CAB39L: variants seen among roughly 807,000 people sequenced by gnomAD.
CAB39L encodes the protein calcium-binding protein 39-like.
A neutral mutation model predicts 39.1 loss-of-function variants in CAB39L; 23 were observed. The ratio of observed to expected loss-of-function variants is 0.59; its 90% CI spans 0.42 to 0.83. CAB39L has a LOEUF of 0.83. Among genes scored for constraint, CAB39L ranks in the 40% least tolerant of loss-of-function variants. CAB39L has a pLI of 0.00. For synonymous variants in CAB39L, 126 were observed against 137.2 expected, an observed-to-expected ratio of 0.92 and a Z score of 0.57; for missense variants, 366 against 391.9, an observed-to-expected ratio of 0.93 and a Z score of 0.56.
intron 3 of CAB39L, among the ~76,000 whole-genome samples, chr13:49,401,908 T>A (rs994590681): frequency 3.2e-4 from 48 of 152,174 alleles, no homozygotes; most frequent in African/African-American, 1.1e-3. Context: ...GTACTTGTAT[T>A]AGAAACTTAA....
At chr13:49,312,748 T>A (rs1169916669) in intron 10 of CAB39L, among the ~76,000 whole-genome samples, 2 of 152,270 alleles carry the variant, frequency 1.3e-5, no homozygotes, top group Admixed American at 1.3e-4. Context: ...CATTTCATAT[T>A]TGACTTTGTT....
chr13:49,382,989 G>T, intron 3 of CAB39L, 48 bp from the exon 4 acceptor site: 1 of 747,890 alleles, frequency 1.3e-6, no homozygotes, highest in South Asian at 1.7e-5. Context: ...CTCTTAATAT[G>T]CTTAAATTTT....
At chr13:49,313,348 G>A (rs577425206) in intron 10 of CAB39L, among the ~76,000 whole-genome samples, 150 of 152,240 alleles carry the variant, frequency 9.9e-4, no homozygotes, top group African/African-American at 3.2e-3. Context: ...AGGCGTGGTG[G>A]CGGGCGCCTG....
chr13:49,368,820 T>G (rs1022562912), intron 5 of CAB39L, among the ~76,000 whole-genome samples: 1 of 151,970 alleles, frequency 6.6e-6, no homozygotes, highest in African/African-American at 2.4e-5. Flanking sequence ...AAGAAAGAGG[T>G]GGTGAACAGC....
chr13:49,333,114 AAAG>A (rs2138398408), intron 9 of CAB39L, among the ~76,000 whole-genome samples: 1 of 152,244 alleles, frequency 6.6e-6, no homozygotes, highest in Admixed American at 6.5e-5. Context: ...ATTTAACATG[AAAG>A]AAGTATACAA....
At chr13:49,359,051 C>T (rs923750847) in intron 6 of CAB39L, among the ~76,000 whole-genome samples, 2 of 151,978 alleles carry the variant, frequency 1.3e-5, no homozygotes, top group African/African-American at 2.4e-5. Flanking sequence ...AATAAAGAGA[C>T]GTCCTGGTTT....
chr13:49,340,759 ATTACT>A (rs1954984550), intron 8 of CAB39L, among the ~76,000 whole-genome samples: 1 of 152,212 alleles, frequency 6.6e-6, no homozygotes. Context: ...CACCAGCTTT[ATTACT>A]TTAGAGTCAT....
At chr13:49,408,560 G>A (rs953627046) in intron 3 of CAB39L, among the ~76,000 whole-genome samples, 5 of 152,144 alleles carry the variant, frequency 3.3e-5, no homozygotes, top group African/African-American at 4.8e-5. Context: ...CTGGCTGGGC[G>A]TAGTGGCTCA....
rs955443131 is a variant in CAB39L, at chr13:49,308,780, C to A, written c.*2034G>T. On this transcript the variant is annotated 3_prime_UTR_variant, in exon 11 of 11. Coordinates refer to ENST00000409308, the MANE Select transcript of CAB39L (RefSeq NM_001079670.3). ...TTGTGCAAACAAATCCCCCTTTGTGCAAAGGGGGAGCTTCCTGCTCCCCCT... is the reference window on the plus strand; with the variant it reads ...TTGTGCAAACAAATCCCCCTTTGTGAAAAGGGGGAGCTTCCTGCTCCCCCT... 5.2e-5 allele frequency: 8 copies of A among 152,640 alleles called. No individual in the cohort carries two copies. The highest frequency in any genetic ancestry group is 1.9e-4 in the African/African-American group (8 of 41,532). 9.5% of individuals were successfully genotyped at this position (152,640 alleles called of 1,614,324 possible). A position where few individuals can be genotyped will look rare whatever the true frequency, so the allele number is the denominator to read the frequency against.
intron 3 of CAB39L, among the ~76,000 whole-genome samples, chr13:49,394,825 T>C (rs1410215539): frequency 6.6e-6 from 1 of 152,202 alleles, no homozygotes; most frequent in Non-Finnish European, 1.5e-5. Flanking sequence ...AAAGTAACCA[T>C]ATGTCTTAAA....
At chr13:49,427,952 A>G (rs1284659152) in intron 3 of CAB39L, among the ~76,000 whole-genome samples, 3 of 152,142 alleles carry the variant, frequency 2.0e-5, no homozygotes, top group African/African-American at 2.4e-5. Context: ...AATCTTATTC[A>G]TGACAGCTAC....
intron 9 of CAB39L, among the ~76,000 whole-genome samples, chr13:49,333,283 A>G (rs1954760960): frequency 2.0e-5 from 3 of 152,188 alleles, no homozygotes; most frequent in Admixed American, 2.0e-4. Flanking sequence ...ATCTTTCTGC[A>G]GCTTCTAACG....
intron 3 of CAB39L, among the ~76,000 whole-genome samples, chr13:49,415,046 A>G (rs1328496698): frequency 6.6e-6 from 1 of 151,590 alleles, no homozygotes; most frequent in Non-Finnish European, 1.5e-5. Flanking sequence ...AAATACAAAA[A>G]GTTAGCTGGG....
intron 3 of CAB39L, among the ~76,000 whole-genome samples, chr13:49,388,430 C>A (rs1015008630): frequency 1.3e-5 from 2 of 152,072 alleles, no homozygotes; most frequent in African/African-American, 2.4e-5. Context: ...AAAAAACAAA[C>A]GAAAGCATAA....
intron 10 of CAB39L, among the ~76,000 whole-genome samples, chr13:49,327,911 T>C (rs1001641971): frequency 7.9e-5 from 12 of 152,230 alleles, no homozygotes; most frequent in African/African-American, 2.7e-4. Context: ...TTAAGGTGGA[T>C]AACTTCTTAG....
chr13:49,408,603 C>T lies in CAB39L; in HGVS notation c.-32+24715G>A, dbSNP rs537091973. 2.6e-5 allele frequency among the ~76,000 whole-genome samples: 4 copies of T among 152,254 alleles called. No individual in the cohort carries two copies. The South Asian group carries it at 6.2e-4, about 24-fold the overall frequency. Reference sequence around the variant, plus strand: ...AATCTCAGCACTCTGGGAGGCAGATCACTTAAGCCCAGAAGTTCAAGACCA... The same window carrying T: ...AATCTCAGCACTCTGGGAGGCAGATTACTTAAGCCCAGAAGTTCAAGACCA... On this transcript the variant is annotated intron_variant, in intron 3 of 10. Coordinates refer to ENST00000409308, the MANE Select transcript of CAB39L (RefSeq NM_001079670.3).
rs374830513 is a variant in CAB39L, at chr13:49,377,146, G to C, written c.112-15C>G. 1.2e-6 allele frequency: 2 copies of C among 1,604,884 alleles called. No homozygotes were observed. The highest frequency in any genetic ancestry group is 1.7e-6 in the Non-Finnish European group (2 of 1,174,826). On this transcript the variant is annotated splice_polypyrimidine_tract_variant and intron_variant, in intron 4 of 10. Transcript: ENST00000409308. ...TCTTCTGAAGCCTAGTGACCAAAAC[G>C]TATGCTAACGGTTAAAAGAATAAAA... is the stretch of plus-strand genomic sequence containing the variant.
intron 1 of CAB39L, among the ~76,000 whole-genome samples, chr13:49,441,774 C>T (rs904629443): frequency 4.6e-5 from 7 of 152,164 alleles, no homozygotes; most frequent in Admixed American, 4.6e-4. Context: ...ATTAAAACCA[C>T]AATGAGATAC....
chr13:49,336,950 T>G (rs1954865637), intron 9 of CAB39L, among the ~76,000 whole-genome samples: 1 of 152,176 alleles, frequency 6.6e-6, no homozygotes, highest in Non-Finnish European at 1.5e-5. Context: ...CTACTGGGCT[T>G]TTTTTCTAGA....
Sources: gnomAD v4.1 joint callset for allele counts (sites outside exome capture counted in the v4.1 genomes callset) on GRCh38, gnomAD v4.1.1 for gene constraint, MANE v1.5 for transcripts, NCBI Gene and HGNC (gene_info 2026-07-23, HGNC 2026-07-21) for gene names.